The following RPS6KC1 variants were observed in gnomAD, a reference collection of about 807,000 sequenced individuals.
The protein encoded by RPS6KC1 is inactive ribosomal protein S6 kinase delta-1.
A neutral mutation model predicts 103.8 loss-of-function variants in RPS6KC1; 54 were observed. The ratio of observed to expected loss-of-function variants is 0.52; its 90% CI spans 0.42 to 0.65. RPS6KC1 has a LOEUF of 0.65. Ranked by LOEUF, RPS6KC1 falls within the 30% of genes least tolerant of loss-of-function variation. The pLI, the probability that RPS6KC1 is intolerant of heterozygous loss-of-function variation, is 0.00. For synonymous variants in RPS6KC1, 439 were observed against 438.7 expected (o/e 1.00, Z -0.01); for missense variants, 1,151 against 1,253.8 (o/e 0.92, Z 1.24).
At chr1:213,203,745 A>G (rs962104519) in intron 8 of RPS6KC1, among the ~76,000 whole-genome samples, 2 of 152,144 alleles carry the variant, frequency 1.3e-5, no homozygotes, top group Non-Finnish European at 2.9e-5. Context: ...TTATTTTTAC[A>G]TTTTGATTTA....
chr1:213,785,372 G>C, the RPS6KC1 span, among the ~76,000 whole-genome samples: 7,876 of 152,094 alleles, frequency 0.052, 305 homozygotes, highest in East Asian at 0.2. Flanking sequence ...GGAGATGTCC[G>C]TGGATCTGTT....
the RPS6KC1 span, among the ~76,000 whole-genome samples, chr1:213,424,362 A>G: frequency 1.3e-5 from 2 of 152,246 alleles, no homozygotes; most frequent in Admixed American, 6.5e-5. Context: ...TTGAGGGAAC[A>G]TCTACACACA....
At chr1:213,157,349 A>G (rs2148026716) in intron 6 of RPS6KC1, among the ~76,000 whole-genome samples, 1 of 151,986 alleles carries the variant, frequency 6.6e-6, no homozygotes, top group Non-Finnish European at 1.5e-5. Context: ...TGGGACTACA[A>G]GTGCCTGCCA....
At chr1:213,778,483 A>C in the RPS6KC1 span, among the ~76,000 whole-genome samples, 1 of 152,138 alleles carries the variant, frequency 6.6e-6, no homozygotes, top group East Asian at 1.9e-4. Flanking sequence ...GGGGCTCTAA[A>C]AATTGGATTG....
intron 8 of RPS6KC1, among the ~76,000 whole-genome samples, chr1:213,208,396 C>T (rs1460410289): frequency 1.3e-5 from 2 of 152,046 alleles, no homozygotes; most frequent in African/African-American, 4.8e-5. Context: ...CCTCCTTTGC[C>T]TTTCTCTTTG....
the RPS6KC1 span, among the ~76,000 whole-genome samples, chr1:213,416,908 C>T: frequency 7.9e-5 from 12 of 152,206 alleles, no homozygotes; most frequent in Non-Finnish European, 1.8e-4. Flanking sequence ...GGCTTATGTT[C>T]TGAAAGGGTG....
At chr1:213,854,570 CTCTCTCTCTT>C in the RPS6KC1 span, among the ~76,000 whole-genome samples, 36 of 106,480 alleles carry the variant, frequency 3.4e-4, no homozygotes, top group African/African-American at 1.1e-3. Flanking sequence ...CTTTCTCTCT[CTCTCTCTCTT>C]TCTTTCTTTC....
At chr1:213,138,444 T>C (rs926848163) in intron 6 of RPS6KC1, among the ~76,000 whole-genome samples, 5 of 152,194 alleles carry the variant, frequency 3.3e-5, no homozygotes, top group African/African-American at 1.2e-4. Flanking sequence ...GGTGTGCAGA[T>C]AATTTTGTCA....
the RPS6KC1 span, chr1:213,840,452 A>G: frequency 1.3e-5 from 2 of 152,126 alleles, no homozygotes; most frequent in African/African-American, 4.8e-5. Flanking sequence ...TTCTTTCAAA[A>G]CAGGTTATAT....
At chr1:213,801,305 T>A in the RPS6KC1 span, among the ~76,000 whole-genome samples, 1 of 152,206 alleles carries the variant, frequency 6.6e-6, no homozygotes, top group Non-Finnish European at 1.5e-5. Context: ...ATGAAACACA[T>A]TTTTAAAATT....
At chr1:213,422,089 G>C in the RPS6KC1 span, among the ~76,000 whole-genome samples, 1 of 152,156 alleles carries the variant, frequency 6.6e-6, no homozygotes, top group Non-Finnish European at 1.5e-5. Context: ...GTGGCACTAA[G>C]GACATTCACA....
chr1:213,660,689 G>A, the RPS6KC1 span, among the ~76,000 whole-genome samples: 2 of 138,656 alleles, frequency 1.4e-5, no homozygotes, highest in African/African-American at 2.5e-5. Flanking sequence ...TACAAATTAT[G>A]GTTCATTTAT....
intron 8 of RPS6KC1, among the ~76,000 whole-genome samples, chr1:213,221,889 A>C (rs755716730): frequency 3.7e-4 from 57 of 152,344 alleles, no homozygotes; most frequent in Middle Eastern, 6.8e-3. Context: ...AGAGATGTGG[A>C]TTTTAAGTAC....
the RPS6KC1 span, among the ~76,000 whole-genome samples, chr1:213,476,653 C>T: frequency 6.6e-6 from 1 of 152,172 alleles, no homozygotes; most frequent in African/African-American, 2.4e-5. Context: ...TTTAACTCAG[C>T]CAGAGAAATT....
the RPS6KC1 span, among the ~76,000 whole-genome samples, chr1:213,494,293 T>C: frequency 2.0e-5 from 3 of 152,014 alleles, no homozygotes; most frequent in Admixed American, 2.0e-4. Context: ...GAAAGGAAGA[T>C]TCAAGAAAAT....
chr1:213,093,503 C>T (rs1247725548), intron 3 of RPS6KC1, among the ~76,000 whole-genome samples: 1 of 152,154 alleles, frequency 6.6e-6, no homozygotes, highest in Non-Finnish European at 1.5e-5. Context: ...AGCCACTGCA[C>T]CCAGCCAATC....
chr1:213,409,761 G>C, the RPS6KC1 span, among the ~76,000 whole-genome samples: 1 of 152,254 alleles, frequency 6.6e-6, no homozygotes, highest in Non-Finnish European at 1.5e-5. Context: ...TCATGTTCCA[G>C]GAACTGTTGA....
At chr1:213,814,987 C>A in the RPS6KC1 span, among the ~76,000 whole-genome samples, 2 of 152,158 alleles carry the variant, frequency 1.3e-5, no homozygotes, top group Non-Finnish European at 2.9e-5. Flanking sequence ...TTGGCTGTGT[C>A]TCCACCCAAA....
At chr1:213,828,809 G>A in the RPS6KC1 span, among the ~76,000 whole-genome samples, 283 of 152,282 alleles carry the variant, frequency 1.9e-3, 1 homozygote, top group Non-Finnish European at 3.6e-3. Flanking sequence ...GAACCACAGT[G>A]GATGGGTTAT....
Sources: gnomAD v4.1 joint callset for allele counts (sites outside exome capture counted in the v4.1 genomes callset) on GRCh38, gnomAD v4.1.1 for gene constraint, MANE v1.5 for transcripts, NCBI Gene and HGNC (gene_info 2026-07-23, HGNC 2026-07-21) for gene names.